Variants in ADAMTS17 observed in about 807,000 individuals in gnomAD.
The protein encoded by ADAMTS17 is A disintegrin and metalloproteinase with thrombospondin motifs 17.
ADAMTS17 carries 113 observed loss-of-function variants against 141.5 expected under a neutral mutation model. That is an observed-to-expected ratio of 0.80 (90% CI 0.69 to 0.93). ADAMTS17 has a LOEUF of 0.93. ADAMTS17 is among the 40% of genes least tolerant of loss of function. The probability of loss-of-function intolerance (pLI) is 0.00; values close to 1 mark genes in which losing one functional copy is unlikely to be tolerated. For synonymous variants in ADAMTS17, 768 were observed against 630.6 expected (o/e 1.22, Z -3.27); for missense variants, 1,659 against 1,517.9 (o/e 1.09, Z -1.54).
At chr15:100,087,504 C>G (rs574923001) in intron 15 of ADAMTS17, among the ~76,000 whole-genome samples, 71 of 152,270 alleles carry the variant, frequency 4.7e-4, no homozygotes, top group African/African-American at 1.7e-3. Context: ...CAGCATCATC[C>G]TGATACCAAA....
chr15:100,123,318 G>A (rs748789805), intron 12 of ADAMTS17, among the ~76,000 whole-genome samples: 2 of 152,196 alleles, frequency 1.3e-5, no homozygotes, highest in Non-Finnish European at 2.9e-5. Context: ...AGACTAAAAC[G>A]ACAGAAAGAC....
intron 7 of ADAMTS17, among the ~76,000 whole-genome samples, chr15:100,234,206 G>C (rs1368199021): frequency 6.6e-6 from 1 of 152,188 alleles, no homozygotes; most frequent in Non-Finnish European, 1.5e-5. Flanking sequence ...GATTAGAAGT[G>C]TGTATCGGGC....
At chr15:100,103,655 T>G (rs543093271) in intron 14 of ADAMTS17, among the ~76,000 whole-genome samples, 1 of 152,124 alleles carries the variant, frequency 6.6e-6, no homozygotes, top group Non-Finnish European at 1.5e-5. Flanking sequence ...CTTGGCTCAC[T>G]GCAACCTCCA....
chr15:100,333,374 C>G (rs7171763), intron 2 of ADAMTS17, among the ~76,000 whole-genome samples: 1 of 152,120 alleles, frequency 6.6e-6, no homozygotes, highest in African/African-American at 2.4e-5. Flanking sequence ...CCCCGGCTAC[C>G]TATTGTTATG....
chr15:100,191,181 T>G (rs1224067141), intron 8 of ADAMTS17, among the ~76,000 whole-genome samples: 3 of 152,176 alleles, frequency 2.0e-5, no homozygotes, highest in Non-Finnish European at 4.4e-5. Context: ...ATGACATTAT[T>G]TTAGGCAAGG....
chr15:100,283,914 T>G (rs1189252519), intron 3 of ADAMTS17, among the ~76,000 whole-genome samples: 2 of 152,136 alleles, frequency 1.3e-5, no homozygotes, highest in Non-Finnish European at 2.9e-5. Flanking sequence ...GAGACCACCC[T>G]AGCCAACCTG....
chr15:100,003,941 G>A (rs571250088), intron 18 of ADAMTS17, among the ~76,000 whole-genome samples: 1 of 150,774 alleles, frequency 6.6e-6, no homozygotes, highest in African/African-American at 2.5e-5. Flanking sequence ...TGTTTGGATG[G>A]TGGTGATGGC....
At chr15:100,181,130 A>C (rs1364616857) in intron 8 of ADAMTS17, among the ~76,000 whole-genome samples, 1 of 152,142 alleles carries the variant, frequency 6.6e-6, no homozygotes, top group Non-Finnish European at 1.5e-5. Flanking sequence ...CTGCCAGGCT[A>C]CCACAAGGTT....
intron 3 of ADAMTS17, among the ~76,000 whole-genome samples, chr15:100,282,986 G>A (rs548959750): frequency 2.8e-4 from 43 of 152,300 alleles, no homozygotes; most frequent in Non-Finnish European, 5.1e-4. Flanking sequence ...ATAGTGGTAT[G>A]TGATCTTCGT....
chr15:100,152,791 G>C, intron 9 of ADAMTS17, 29 bp from the exon 10 acceptor site: 4 of 1,613,732 alleles, frequency 2.5e-6, no homozygotes, highest in Non-Finnish European at 3.4e-6. Context: ...AAGTTGACTT[G>C]CAAATGTACT....
intron 15 of ADAMTS17, among the ~76,000 whole-genome samples, chr15:100,095,565 T>A (rs1484777127): frequency 6.6e-6 from 1 of 152,170 alleles, no homozygotes; most frequent in African/African-American, 2.4e-5. Flanking sequence ...AGCTTCTTCC[T>A]CCCAACACAA....
At chr15:100,330,620 C>T (rs988287394) in intron 3 of ADAMTS17, among the ~76,000 whole-genome samples, 1 of 152,102 alleles carries the variant, frequency 6.6e-6, no homozygotes, top group African/African-American at 2.4e-5. Context: ...GTTTTTTGGA[C>T]CTCAACTTGC....
At chr15:100,209,420 C>T (rs2041715302) in intron 7 of ADAMTS17, among the ~76,000 whole-genome samples, 1 of 152,126 alleles carries the variant, frequency 6.6e-6, no homozygotes, top group Middle Eastern at 3.2e-3. Context: ...GGCATCACGG[C>T]CCCTCCACTA....
chr15:100,098,718 G>A (rs116174902), intron 14 of ADAMTS17, among the ~76,000 whole-genome samples: 2,269 of 152,104 alleles, frequency 0.015, 54 homozygotes, highest in African/African-American at 0.053. Context: ...ATCAGAAAAT[G>A]TCCCCCAGCA....
In ADAMTS17 at chr15:100,051,679, G is replaced by A. The variant is rs144007074; in HGVS notation, c.2348C>T (p.Pro783Leu). The A allele has an allele frequency of 2.2e-4, 352 of 1,614,180 alleles. 2 individuals are homozygous for A. In the African/African-American group the frequency reaches 3.8e-3, roughly 18 times the overall value. ...TTGATTTTCCGCAGTGCGGTTTACAGGAACAGTGTATTCATAATGAATTCC... is the reference window on the plus strand; with the variant it reads ...TTGATTTTCCGCAGTGCGGTTTACAAGAACAGTGTATTCATAATGAATTCC... ...DYGIHYEYTV[P>L]VNRTAENQSE... The change falls in exon 17 of 22, where the codon CCT (proline) becomes CTT (leucine). Residue 783 changes from proline to leucine, a missense_variant. Pro to Leu is a moderately conservative substitution (Grantham distance 98, BLOSUM62 -3). Coordinates refer to ENST00000268070, the MANE Select transcript of ADAMTS17 (RefSeq NM_139057.4).
chr15:100,140,599 A>G (rs1304598654), intron 10 of ADAMTS17, among the ~76,000 whole-genome samples: 1 of 151,750 alleles, frequency 6.6e-6, no homozygotes, highest in African/African-American at 2.4e-5. Flanking sequence ...AAGTCCAGAC[A>G]TCATAGAAGT....
chr15:100,199,556 C>G (rs2041243587), intron 7 of ADAMTS17, 133 bp from the exon 8 acceptor site: 2 of 790,664 alleles, frequency 2.5e-6, no homozygotes, highest in Admixed American at 1.8e-5. Context: ...GAGCCTCAGC[C>G]CACCTGGGAA....
chr15:100,219,594 C>T (rs1427697533), intron 7 of ADAMTS17, among the ~76,000 whole-genome samples: 2 of 152,166 alleles, frequency 1.3e-5, no homozygotes, highest in Non-Finnish European at 2.9e-5. Context: ...CAGTTCGAGG[C>T]AAACTGCCTC....
At chr15:100,010,502 G>A (rs140003845) in intron 18 of ADAMTS17, among the ~76,000 whole-genome samples, 16 of 152,300 alleles carry the variant, frequency 1.1e-4, no homozygotes, top group Admixed American at 3.9e-4. Context: ...TGTTCTCCAC[G>A]TGTGCTGCGA....
Sources: gnomAD v4.1 joint callset for allele counts (sites outside exome capture counted in the v4.1 genomes callset) on GRCh38, gnomAD v4.1.1 for gene constraint, MANE v1.5 for transcripts, NCBI Gene and HGNC (gene_info 2026-07-23, HGNC 2026-07-21) for gene names.